PCDHA7: variants seen among roughly 807,000 people sequenced by gnomAD.
The protein encoded by PCDHA7 is protocadherin alpha 7.
PCDHA7 carries 37 observed loss-of-function variants against 57.2 expected under a neutral mutation model. The ratio of observed to expected loss-of-function variants is 0.65; its 90% CI spans 0.50 to 0.85. The LOEUF (loss-of-function observed/expected upper bound fraction) is 0.85, where lower values mean the gene tolerates loss of function less well. PCDHA7 is among the 40% of genes least tolerant of loss of function. The probability of loss-of-function intolerance (pLI) is 0.00; values close to 1 mark genes in which losing one functional copy is unlikely to be tolerated. For missense variants in PCDHA7, 1,188 were observed against 1,241.8 expected (o/e 0.96, Z 0.65); for synonymous variants, 553 against 558.8 (o/e 0.99, Z 0.15).
At chr5:140,993,621 A>G (rs531527051) in intron 3 of PCDHA7, among the ~76,000 whole-genome samples, 7 of 152,190 alleles carry the variant, frequency 4.6e-5, no homozygotes, top group African/African-American at 1.7e-4. Flanking sequence ...GGGACCCTCT[A>G]TATATAGTCG....
rs2150256657 is a variant in PCDHA7, at chr5:140,836,281, C to G, written c.1898C>G (p.Thr633Arg). Residue 633 changes from threonine (T) to arginine (R), a missense_variant, in exon 1 of 4, where the codon ACG (threonine) becomes AGG (arginine). By Grantham distance (71) the Thr-to-Arg change is moderately conservative. Around this residue, in one of 3 missense-constraint regions of PCDHA7, gnomAD observed 892 missense variants for 788.5 expected, o/e 1.13. Transcript: ENST00000525929. ...GGGCTGTACACTGGTGAGATCAGCA[C>G]GACACGAGCCCTAGATGAGACGGAC... ...RVGLYTGEIS[T>R]TRALDETDAP... is the part of the protein sequence containing the mutation. 3.7e-6 allele frequency: 6 copies of G among 1,613,614 alleles called. No individual in the cohort carries two copies. Among genetic ancestry groups the G allele is most frequent in the Non-Finnish European group, 4.2e-6 (5 of 1,179,816 alleles).
chr5:140,842,051 C>G (rs2150328197), intron 1 of PCDHA7: 4 of 1,613,852 alleles, frequency 2.5e-6, no homozygotes, highest in Non-Finnish European at 3.4e-6. Flanking sequence ...CACTTTCGAA[C>G]AGTCTGAATA....
chr5:140,969,642 A>G (rs2096350693), intron 1 of PCDHA7: 1 of 206,874 alleles, frequency 4.8e-6, no homozygotes, highest in African/African-American at 2.4e-5. Context: ...GCCTTGGAAT[A>G]GGGATTATGT....
intron 3 of PCDHA7, among the ~76,000 whole-genome samples, chr5:141,008,680 T>C (rs2098386787): frequency 6.6e-6 from 1 of 152,220 alleles, no homozygotes; most frequent in Non-Finnish European, 1.5e-5. Flanking sequence ...ATACTTTAGT[T>C]ATTGCATGTA....
chr5:140,850,287 G>A lies in PCDHA7; in HGVS notation c.2355+13549G>A. On this transcript the variant is annotated intron_variant, in intron 1 of 3. Transcript: ENST00000525929. ...AGTGGTGGGGAAGGTGCGCGCAGTG[G>A]ACGCCGACTCGGGCTACAACGCGTG... 2.5e-6 allele frequency: 4 copies of A among 1,595,954 alleles called. 1 individual carries two copies. Among genetic ancestry groups the A allele is most frequent in the Non-Finnish European group, 3.4e-6 (4 of 1,167,630 alleles).
At chr5:140,878,400 A>C (rs1190004888) in intron 1 of PCDHA7, among the ~76,000 whole-genome samples, 2 of 152,218 alleles carry the variant, frequency 1.3e-5, no homozygotes, top group Non-Finnish European at 2.9e-5. Flanking sequence ...TGCTCACAAA[A>C]TATCTTCTTT....
At chr5:140,990,668 G>A (rs1554251661) in intron 3 of PCDHA7, among the ~76,000 whole-genome samples, 1 of 152,178 alleles carries the variant, frequency 6.6e-6, no homozygotes, top group African/African-American at 2.4e-5. Flanking sequence ...TACATTAGAT[G>A]CACACCAAGC....
intron 1 of PCDHA7, among the ~76,000 whole-genome samples, chr5:140,965,098 A>G (rs1554227430): frequency 6.6e-6 from 1 of 152,244 alleles, no homozygotes; most frequent in African/African-American, 2.4e-5. Flanking sequence ...GTCCATAGCT[A>G]GAAAATGACC....
chr5:140,884,350 G>A, intron 1 of PCDHA7: 1 of 1,613,918 alleles, frequency 6.2e-7, no homozygotes, highest in South Asian at 1.1e-5. Flanking sequence ...CGGCGCTGGT[G>A]GATGTCAATG....
Position 140,843,466 on chromosome 5 carries a change from G to T in PCDHA7, c.2355+6728G>T. ...TATCCAGCCTGCTGGTGCTCACGCT[G>T]CTGCTGTACACTGCGCTGCGGTGCT... On this transcript the variant is annotated intron_variant, in intron 1 of 3. Coordinates refer to ENST00000525929, the MANE Select transcript of PCDHA7 (RefSeq NM_018910.3). 2 of 1,596,074 alleles carry T rather than the reference G, an allele frequency of 1.3e-6. 1 individual carries two copies.
chr5:140,980,749 G>A (rs1388943582), intron 2 of PCDHA7, among the ~76,000 whole-genome samples: 1 of 151,942 alleles, frequency 6.6e-6, no homozygotes, highest in Non-Finnish European at 1.5e-5. Flanking sequence ...TTTGAGTAGG[G>A]TAAGAAATAA....
intron 3 of PCDHA7, among the ~76,000 whole-genome samples, chr5:141,007,874 T>TA (rs2098349969): frequency 6.6e-6 from 1 of 152,244 alleles, no homozygotes; most frequent in African/African-American, 2.4e-5. Flanking sequence ...TCCTTTGTCT[T>TA]ACACTTCTTT....
intron 1 of PCDHA7, chr5:140,882,678 A>G: frequency 6.2e-7 from 1 of 1,614,250 alleles, no homozygotes; most frequent in East Asian, 2.2e-5. Flanking sequence ...CCTGAAAGCA[A>G]GAAACGAATA....
chr5:140,861,559 A>G (rs2046978123), intron 1 of PCDHA7: 2 of 393,478 alleles, frequency 5.1e-6, no homozygotes, highest in Non-Finnish European at 5.3e-6. Context: ...GTGATCGTGG[A>G]CAAGCTGCTA....
At position 140,834,962 on chromosome 5, in the gene PCDHA7, A is replaced by G. The variant is rs1773396463; in HGVS notation, c.579A>G (p.Gly193=). 6.6e-7 allele frequency: 1 copy of G among 1,519,622 alleles called. No homozygotes were observed. The highest frequency in any genetic ancestry group is 2.4e-5 in the East Asian group (1 of 42,362). The allele number at this position is 1,519,622 out of a possible 1,614,324, so 94.1% of individuals were successfully genotyped here. A position where few individuals can be genotyped will look rare whatever the true frequency, so the allele number is the denominator to read the frequency against. Residue 193 remains glycine, a synonymous_variant, in exon 1 of 4, where the codon GGA becomes GGG. Transcript: ENST00000525929. ...GCAACCAGCAGGTAAAACCTCTTGG[A>G]CTTGTATTACGGAAACTTTTAGACA... The part of the protein sequence containing the change: ...PTSNQQVKPL[G]LVLRKLLDRE...
chr5:140,848,279 C>A, intron 1 of PCDHA7: 1 of 591,730 alleles, frequency 1.7e-6, no homozygotes, highest in Admixed American at 3.0e-5. Flanking sequence ...GAAATATGTA[C>A]TTACACTTTG....
intron 1 of PCDHA7, chr5:140,851,731 T>C (rs1554145521): frequency 3.1e-6 from 3 of 971,456 alleles, no homozygotes; most frequent in African/African-American, 3.5e-5. Flanking sequence ...TCGAGTTCTT[T>C]TGAAATTCAG....
chr5:140,909,711 A>G (rs1473634057), intron 1 of PCDHA7, among the ~76,000 whole-genome samples: 1 of 152,122 alleles, frequency 6.6e-6, no homozygotes, highest in Non-Finnish European at 1.5e-5. Context: ...TGCTAAGTAT[A>G]CCTATGCCAA....
chr5:140,924,178 A>C (rs2081709408), intron 1 of PCDHA7, among the ~76,000 whole-genome samples: 3 of 152,260 alleles, frequency 2.0e-5, no homozygotes. Context: ...GCACTGAAGC[A>C]GAAAATTAGT....
Sources: gnomAD v4.1 joint callset for allele counts (sites outside exome capture counted in the v4.1 genomes callset) on GRCh38, gnomAD v4.1.1 for gene constraint, gnomAD v4.1.1 regional missense constraint, MANE v1.5 for transcripts, NCBI Gene and HGNC (gene_info 2026-07-23, HGNC 2026-07-21) for gene names.